The following VAT1L variants were observed in gnomAD, a reference collection of about 807,000 sequenced individuals.
The protein encoded by VAT1L is vesicle amine transport 1 like.
Under a neutral mutation model 44.1 loss-of-function variants are expected in VAT1L, and 34 were observed. The ratio of observed to expected loss-of-function variants is 0.77; its 90% CI spans 0.59 to 1.03. The LOEUF is 1.03. VAT1L is among the 50% of genes least tolerant of loss of function. The probability of loss-of-function intolerance (pLI) is 0.00; values close to 1 mark genes in which losing one functional copy is unlikely to be tolerated. For missense variants in VAT1L, 615 were observed against 538.8 expected (o/e 1.14, Z -1.40); for synonymous variants, 253 against 202.2 (o/e 1.25, Z -2.13).
intron 7 of VAT1L, among the ~76,000 whole-genome samples, chr16:77,917,885 A>G (rs1475592234): frequency 7.2e-5 from 11 of 152,216 alleles, no homozygotes; most frequent in Non-Finnish European, 1.5e-4. Context: ...GGGGAGCCCC[A>G]GAGATGGAAA....
chr16:77,836,683 T>C (rs1198189467), intron 3 of VAT1L, among the ~76,000 whole-genome samples: 3 of 152,210 alleles, frequency 2.0e-5, no homozygotes, highest in East Asian at 3.9e-4. Flanking sequence ...AGGTTAAAAA[T>C]ATGTAAATAT....
At chr16:77,955,739 AAAAG>A (rs2018096640) in intron 7 of VAT1L, among the ~76,000 whole-genome samples, 1 of 150,836 alleles carries the variant, frequency 6.6e-6, no homozygotes. Context: ...CAAAAAAAAA[AAAAG>A]AGAGAGAATG....
intron 4 of VAT1L, among the ~76,000 whole-genome samples, chr16:77,865,215 C>T (rs907965411): frequency 2.6e-5 from 4 of 152,122 alleles, no homozygotes; most frequent in Middle Eastern, 3.4e-3. Flanking sequence ...CCTCGTGATG[C>T]GCCCATCTTG....
At chr16:77,821,333 C>T (rs2016450963) in intron 2 of VAT1L, among the ~76,000 whole-genome samples, 1 of 149,114 alleles carries the variant, frequency 6.7e-6, no homozygotes, top group African/African-American at 2.5e-5. Context: ...GGGAGTCTCA[C>T]TCTGTTGCCC....
At chr16:77,902,324 T>A (rs1236581279) in intron 7 of VAT1L, among the ~76,000 whole-genome samples, 4 of 152,190 alleles carry the variant, frequency 2.6e-5, no homozygotes, top group Non-Finnish European at 5.9e-5. Flanking sequence ...GTCAATGGGG[T>A]TTTTTATATA....
At chr16:77,790,456 C>T (rs1399676266) in intron 1 of VAT1L, among the ~76,000 whole-genome samples, 2 of 152,108 alleles carry the variant, frequency 1.3e-5, no homozygotes, top group Admixed American at 6.5e-5. Flanking sequence ...AATAAGTTAT[C>T]GCTGAATGAA....
chr16:77,811,385 A>C (rs2016262871), intron 1 of VAT1L, among the ~76,000 whole-genome samples: 1 of 152,214 alleles, frequency 6.6e-6, no homozygotes, highest in Non-Finnish European at 1.5e-5. Context: ...TAAGAAATCA[A>C]ATGTGTCTTC....
chr16:77,943,928 G>A (rs976499386), intron 7 of VAT1L, among the ~76,000 whole-genome samples: 90 of 152,310 alleles, frequency 5.9e-4, no homozygotes, highest in African/African-American at 1.2e-3. Context: ...CAAAGATGAT[G>A]TATCTTTAGA....
chr16:77,814,360 C>G (rs1226283800), intron 1 of VAT1L, among the ~76,000 whole-genome samples: 1 of 152,190 alleles, frequency 6.6e-6, no homozygotes, highest in Admixed American at 6.5e-5. Context: ...GGGGCATTCT[C>G]CATGACCTGA....
intron 3 of VAT1L, among the ~76,000 whole-genome samples, chr16:77,844,173 A>T (rs1271094722): frequency 6.6e-6 from 1 of 152,208 alleles, no homozygotes; most frequent in African/African-American, 2.4e-5. Flanking sequence ...TGGGTTTCAT[A>T]TCTGTGGATC....
At chr16:77,840,215 A>G (rs984163002) in intron 3 of VAT1L, among the ~76,000 whole-genome samples, 1 of 152,160 alleles carries the variant, frequency 6.6e-6, no homozygotes, top group African/African-American at 2.4e-5. Flanking sequence ...TACCTTGTAC[A>G]CGTTTTAGTG....
chr16:77,864,476 C>A (rs1304116389), intron 4 of VAT1L, among the ~76,000 whole-genome samples: 1 of 152,106 alleles, frequency 6.6e-6, no homozygotes, highest in Non-Finnish European at 1.5e-5. Flanking sequence ...CATGGTGATG[C>A]ATGCCTGTAG....
intron 3 of VAT1L, among the ~76,000 whole-genome samples, chr16:77,839,889 C>T (rs1012082257): frequency 9.9e-5 from 15 of 152,148 alleles, no homozygotes; most frequent in Admixed American, 3.3e-4. Flanking sequence ...TATTGATCTT[C>T]AATGTCAACC....
chr16:77,835,166 C>T (rs2016625620), intron 3 of VAT1L, among the ~76,000 whole-genome samples: 1 of 152,162 alleles, frequency 6.6e-6, no homozygotes, highest in African/African-American at 2.4e-5. Flanking sequence ...AATCAAAAAG[C>T]TGTCACAAGC....
intron 1 of VAT1L, among the ~76,000 whole-genome samples, chr16:77,810,875 C>T (rs1376209682): frequency 1.3e-5 from 2 of 152,128 alleles, no homozygotes; most frequent in African/African-American, 4.8e-5. Flanking sequence ...AAATTATATA[C>T]TTAACAAAAT....
rs1194778856 is a variant in VAT1L, at chr16:77,880,287, G to C, written c.882+1063G>C. 1.2e-4 allele frequency among the ~76,000 whole-genome samples: 19 copies of C among 152,014 alleles called. 1 individual carries two copies. Among genetic ancestry groups the C allele is most frequent in the Admixed American group, 1.2e-3 (19 of 15,268 alleles). Reference sequence around the variant, plus strand: ...CCCTCCTGCTTCAGCCTCCCAAGTAGCTGGGATTACAGGTGTGTGCCACTA... The same window carrying C: ...CCCTCCTGCTTCAGCCTCCCAAGTACCTGGGATTACAGGTGTGTGCCACTA... On this transcript the variant is annotated intron_variant, in intron 6 of 8. Coordinates refer to ENST00000302536, the MANE Select transcript of VAT1L (RefSeq NM_020927.3).
At chr16:77,888,861 G>T (rs889755280) in intron 7 of VAT1L, among the ~76,000 whole-genome samples, 2 of 152,192 alleles carry the variant, frequency 1.3e-5, no homozygotes, top group African/African-American at 2.4e-5. Flanking sequence ...CGTTCCTGTA[G>T]CAAGATAGTC....
intron 3 of VAT1L, among the ~76,000 whole-genome samples, chr16:77,861,431 G>T (rs921503591): frequency 6.6e-6 from 1 of 152,278 alleles, no homozygotes; most frequent in Non-Finnish European, 1.5e-5. Context: ...GCTCCTAACT[G>T]CATTTGTGAT....
chr16:77,874,559 C>T (rs1287546051), intron 4 of VAT1L, among the ~76,000 whole-genome samples: 1 of 152,074 alleles, frequency 6.6e-6, no homozygotes, highest in Non-Finnish European at 1.5e-5. Flanking sequence ...ATGCTGTTCC[C>T]TCTGCCTAGG....
Sources: allele counts gnomAD v4.1 joint callset (sites outside exome capture counted in the v4.1 genomes callset), GRCh38; gene constraint gnomAD v4.1.1; transcripts MANE v1.5; gene names NCBI Gene and HGNC (gene_info 2026-07-23, HGNC 2026-07-21).